Variants in WDFY2 observed in about 807,000 individuals in gnomAD.
WDFY2 encodes the protein WD repeat and FYVE domain-containing protein 2.
Under a neutral mutation model 56.4 loss-of-function variants are expected in WDFY2, and 36 were observed. The ratio of observed to expected loss-of-function variants is 0.64; its 90% CI spans 0.49 to 0.84. The LOEUF (loss-of-function observed/expected upper bound fraction) is 0.84. Ranked by LOEUF, WDFY2 falls within the 40% of genes least tolerant of loss-of-function variation. The pLI is 0.00. For synonymous variants in WDFY2, 176 were observed against 183.7 expected (o/e 0.96, Z 0.34); for missense variants, 444 against 512.2 (o/e 0.87, Z 1.29).
chr13:51,763,672 C>G lies in WDFY2; in HGVS notation c.*3903C>G, dbSNP rs377459029. On this transcript the variant is annotated 3_prime_UTR_variant, in exon 12 of 12. Coordinates refer to ENST00000298125, the MANE Select transcript of WDFY2 (RefSeq NM_052950.4). The stretch of plus-strand genomic sequence containing the variant: ...ACTTAGTTGGGTGTGGTGGCACACA[C>G]CTGTATTCCCAGCTACTCAGGAAGC... 9.8e-5 allele frequency: 15 copies of G among 152,312 alleles called. No homozygotes were observed. In the East Asian group the frequency reaches 1.7e-3, roughly 18 times the overall value. 9.4% of individuals were successfully genotyped at this position (152,312 alleles called of 1,614,324 possible).
chr13:51,729,703 T>C (rs866578188), intron 6 of WDFY2, among the ~76,000 whole-genome samples: 5 of 152,236 alleles, frequency 3.3e-5, no homozygotes, highest in African/African-American at 1.2e-4. Context: ...TTTATTAATA[T>C]GCTTATGTTT....
At chr13:51,728,483 C>T (rs561559338) in intron 6 of WDFY2, among the ~76,000 whole-genome samples, 1 of 152,202 alleles carries the variant, frequency 6.6e-6, no homozygotes, top group Non-Finnish European at 1.5e-5. Flanking sequence ...AATGAGTCAT[C>T]GCCAGTTTTC....
intron 6 of WDFY2, among the ~76,000 whole-genome samples, chr13:51,733,619 C>T (rs2138671544): frequency 6.6e-6 from 1 of 152,258 alleles, no homozygotes; most frequent in Admixed American, 6.5e-5. Context: ...TGGAGGGAGA[C>T]TGTTTAGGAG....
intron 3 of WDFY2, among the ~76,000 whole-genome samples, chr13:51,684,006 C>A (rs958413345): frequency 3.9e-5 from 6 of 152,176 alleles, no homozygotes; most frequent in African/African-American, 1.4e-4. Context: ...ACCTCACTCT[C>A]CTGCAGCTTC....
intron 1 of WDFY2, among the ~76,000 whole-genome samples, chr13:51,602,174 A>G (rs1054221890): frequency 5.3e-5 from 8 of 152,232 alleles, no homozygotes; most frequent in Non-Finnish European, 8.8e-5. Flanking sequence ...CAACATTTCT[A>G]TCAACAACAG....
chr13:51,730,421 T>G (rs1214500878), intron 6 of WDFY2, among the ~76,000 whole-genome samples: 1 of 152,202 alleles, frequency 6.6e-6, no homozygotes, highest in Admixed American at 6.5e-5. Context: ...CAGGCTCCAC[T>G]GTGGTCTGCG....
rs1323919051 is a variant in WDFY2, at chr13:51,650,717, A to T, written c.138-9879A>T. On this transcript the variant is annotated intron_variant, in intron 1 of 11. Coordinates refer to ENST00000298125, the MANE Select transcript of WDFY2 (RefSeq NM_052950.4). ...TTCTGTTTATATGCTGGATTACGTT[A>T]ATTGATTTGCGTATGTTGAACCAGC... Among the ~76,000 whole-genome samples, 5 of 152,208 alleles carry T rather than the reference A, an allele frequency of 3.3e-5. No individual in the cohort carries two copies. The South Asian group carries it at 1.0e-3, about 32-fold the overall frequency.
At chr13:51,693,811 G>GATAAA (rs1951801268) in intron 3 of WDFY2, among the ~76,000 whole-genome samples, 1 of 152,030 alleles carries the variant, frequency 6.6e-6, no homozygotes, top group Non-Finnish European at 1.5e-5. Context: ...TTATTGTGTG[G>GATAAA]GAGTCTAAGT....
In WDFY2 at chr13:51,764,902, C is replaced by T. The variant is rs566395373; in HGVS notation, c.*5133C>T. ...ACTGTGGAAAAGGAAAGCCCTGGCC[C>T]TGTGGCAGGAGAGGATTGTTCTAGT... On this transcript the variant is annotated 3_prime_UTR_variant, in exon 12 of 12. Coordinates refer to ENST00000298125, the MANE Select transcript of WDFY2 (RefSeq NM_052950.4). 4 of 152,342 alleles carry T rather than the reference C, an allele frequency of 2.6e-5. No individual in the cohort carries two copies. Among genetic ancestry groups the T allele is most frequent in the African/African-American group, 9.6e-5 (4 of 41,544 alleles). 9.4% of individuals were successfully genotyped at this position (152,342 alleles called of 1,614,324 possible).
chr13:51,720,296 C>T (rs1173827814), intron 5 of WDFY2, among the ~76,000 whole-genome samples: 1 of 152,154 alleles, frequency 6.6e-6, no homozygotes, highest in African/African-American at 2.4e-5. Context: ...GCTAATATCA[C>T]TCTTATTTTT....
intron 1 of WDFY2, among the ~76,000 whole-genome samples, chr13:51,646,328 A>C (rs760259843): frequency 6.6e-6 from 1 of 151,922 alleles, no homozygotes; most frequent in South Asian, 2.1e-4. Context: ...CGCCCTCTCC[A>C]CTTTCCTCTG....
intron 3 of WDFY2, among the ~76,000 whole-genome samples, chr13:51,695,980 C>T (rs952364921): frequency 1.3e-5 from 2 of 152,222 alleles, no homozygotes; most frequent in African/African-American, 4.8e-5. Flanking sequence ...CCCTCCGAGC[C>T]AGGTGCGGGA....
intron 6 of WDFY2, 108 bp from the exon 7 acceptor site, chr13:51,738,941 A>C (rs1952902080): frequency 7.9e-7 from 1 of 1,271,750 alleles, no homozygotes. Flanking sequence ...ATAAGAATTT[A>C]TTGTATGCCA....
At chr13:51,640,873 G>A (rs1040122911) in intron 1 of WDFY2, among the ~76,000 whole-genome samples, 1 of 151,068 alleles carries the variant, frequency 6.6e-6, no homozygotes, top group African/African-American at 2.5e-5. Flanking sequence ...GTCCTAGCTA[G>A]TACCTTCACA....
intron 1 of WDFY2, chr13:51,589,750 T>G (rs1291863692): frequency 6.6e-6 from 1 of 152,220 alleles, no homozygotes; most frequent in African/African-American, 2.4e-5. Context: ...TCTAAACTAA[T>G]TTTTCAGTGT....
chr13:51,689,267 A>T (rs1361655478), intron 3 of WDFY2, among the ~76,000 whole-genome samples: 4 of 152,198 alleles, frequency 2.6e-5, no homozygotes, highest in Non-Finnish European at 5.9e-5. Context: ...ATGAGAAAAG[A>T]TGATGACAGG....
At chr13:51,740,080 T>G (rs1351204372) in intron 7 of WDFY2, among the ~76,000 whole-genome samples, 1 of 152,252 alleles carries the variant, frequency 6.6e-6, no homozygotes, top group Non-Finnish European at 1.5e-5. Context: ...TAGCTTTTCC[T>G]GTAAATCTGC....
intron 2 of WDFY2, among the ~76,000 whole-genome samples, chr13:51,671,632 A>G (rs942745184): frequency 1.3e-5 from 2 of 151,350 alleles, no homozygotes; most frequent in African/African-American, 4.9e-5. Flanking sequence ...GGATGTTTTA[A>G]TTGTTTGTTG....
chr13:51,746,391 C>T (rs1013483619), intron 7 of WDFY2, among the ~76,000 whole-genome samples: 5 of 152,218 alleles, frequency 3.3e-5, no homozygotes, highest in Admixed American at 6.5e-5. Flanking sequence ...TGGCCTGGTA[C>T]CTTCCTTACC....
Sources: gnomAD v4.1 joint callset for allele counts (sites outside exome capture counted in the v4.1 genomes callset) on GRCh38, gnomAD v4.1.1 for gene constraint, MANE v1.5 for transcripts, NCBI Gene and HGNC (gene_info 2026-07-23, HGNC 2026-07-21) for gene names.